The following GREP1 variants were observed in gnomAD, a reference collection of about 807,000 sequenced individuals.
The protein encoded by GREP1 is glycine rich extracellular protein 1.
rs1239777101 is a variant in GREP1 at position 3,000,084 on chromosome 16, A to G, written c.1232-2A>G. The G allele has an allele frequency of 1.0e-5, 4 of 398,750 alleles. No homozygotes were observed. Among genetic ancestry groups the G allele is most frequent in the Non-Finnish European group, 1.8e-5 (4 of 226,064 alleles). 24.7% of individuals were successfully genotyped at this position (398,750 alleles called of 1,614,324 possible). A position where few individuals can be genotyped will look rare whatever the true frequency, so the allele number is the denominator to read the frequency against. On this transcript the variant is annotated splice_acceptor_variant, in intron 28 of 34. Coordinates refer to ENST00000573315, the Ensembl canonical transcript of GREP1. LOFTEE classifies it high-confidence loss of function. ...TCTGAGTCACAGTTTTCTCTCCCCC[A>G]GGTTTTAATGGTGGCCTCGAGCCAC...
intron 5 of GREP1, 113 bp from the exon 6 acceptor site, chr16:2,990,439 C>G: frequency 2.5e-6 from 1 of 399,096 alleles, no homozygotes; most frequent in South Asian, 1.3e-4. Flanking sequence ...TCATCTGATC[C>G]CCCTCTCTTT....
chr16:2,999,836 A>G (rs915001792), intron 27 of GREP1, 66 bp from the exon 25 acceptor site: 1 of 398,870 alleles, frequency 2.5e-6, no homozygotes, highest in Non-Finnish European at 4.4e-6. Flanking sequence ...CCTAAGGTCG[A>G]TCTTTGGCCT....
chr16:2,988,511 G>A, intron 1 of GREP1, 79 bp from the exon 2 acceptor site: 1 of 399,242 alleles, frequency 2.5e-6, no homozygotes. Context: ...TTGGGGGCTG[G>A]AGGATAGATG....
chr16:2,990,948 G>T (rs898720805), intron 7 of GREP1, 100 bp from the exon 7 acceptor site: 1 of 398,790 alleles, frequency 2.5e-6, no homozygotes, highest in African/African-American at 2.1e-5. Context: ...AGGCGAGGCC[G>T]CCCCACACCT....
exon 33 of GREP1, chr16:3,000,741 G>C (rs1596463649): frequency 2.5e-6 from 1 of 398,842 alleles, no homozygotes; most frequent in African/African-American, 2.1e-5. Context: ...TGGAACTCTC[G>C]CTGGCCCACC....
At chr16:2,994,072 A>C (rs981921886) in intron 10 of GREP1, 3 of 152,444 alleles carry the variant, frequency 2.0e-5, no homozygotes, top group African/African-American at 7.2e-5. Context: ...TGGGGCATAC[A>C]GTATGGGCTG....
intron 34 of GREP1, 28 bp from the exon 29 acceptor site, chr16:3,001,533 T>C (rs2072462212): frequency 7.5e-6 from 3 of 398,894 alleles, no homozygotes; most frequent in Non-Finnish European, 1.3e-5. Context: ...GCCCCGCCCC[T>C]CCCTAGCCCA....
intron 33 of GREP1, 95 bp downstream of exon 27, chr16:3,000,922 TA>T (rs959899774): frequency 3.8e-5 from 15 of 394,972 alleles, no homozygotes; most frequent in Non-Finnish European, 6.2e-5. Context: ...CCCACAGAGA[TA>T]GAAGGTACAG....
At chr16:2,999,288 C>T in exon 27 of GREP1, 1 of 398,832 alleles carries the variant, frequency 2.5e-6, no homozygotes, top group Non-Finnish European at 4.4e-6. Context: ...GGGACTGAAA[C>T]CTCAGAAAGC....
intron 18 of GREP1, 45 bp from the exon 18 acceptor site, chr16:2,996,451 C>G (rs1417960782): frequency 2.5e-6 from 1 of 398,932 alleles, no homozygotes; most frequent in African/African-American, 2.1e-5. Flanking sequence ...CCTGACACCC[C>G]CTCCGAATGC....
At chr16:2,994,770 C>T (rs1430316160) in intron 11 of GREP1, 36 bp from the exon 13 acceptor site, 3 of 399,042 alleles carry the variant, frequency 7.5e-6, no homozygotes, top group Non-Finnish European at 1.3e-5. Flanking sequence ...GAGCTGGGGC[C>T]CCAGGTTCCT....
intron 27 of GREP1, among the ~76,000 whole-genome samples, chr16:2,999,564 A>C (rs894497180): frequency 2.0e-5 from 3 of 149,354 alleles, no homozygotes; most frequent in Non-Finnish European, 3.0e-5. Flanking sequence ...GGCTCACTGC[A>C]AAATACGCCT....
chr16:2,997,943 T>C (rs2072435191), intron 23 of GREP1, 108 bp downstream of exon 21: 5 of 396,974 alleles, frequency 1.3e-5, no homozygotes, highest in African/African-American at 1.0e-4. Flanking sequence ...AAGAACGGGC[T>C]GGAGCTGGAG....
chr16:2,996,605 C>T (rs993320140), intron 19 of GREP1, 68 bp from the exon 19 acceptor site: 3 of 399,116 alleles, frequency 7.5e-6, no homozygotes, highest in Non-Finnish European at 1.3e-5. Flanking sequence ...GCCACAGGGA[C>T]AGAGAGCTGG....
chr16:2,997,126 C>T, intron 21 of GREP1, 41 bp downstream of exon 20: 1 of 399,254 alleles, frequency 2.5e-6, no homozygotes, highest in Non-Finnish European at 4.4e-6. Flanking sequence ...CCCCCAAACC[C>T]TGAGCTCCCT....
intron 21 of GREP1, 120 bp downstream of exon 20, chr16:2,997,205 G>C: frequency 2.5e-6 from 1 of 398,854 alleles, no homozygotes; most frequent in Non-Finnish European, 4.4e-6. Context: ...CCAGTGAGGG[G>C]GTGTCGGGCT....
exon 15 of GREP1, chr16:2,995,408 G>A (rs73484370): frequency 0.011 from 4,218 of 398,906 alleles, 166 homozygotes; most frequent in African/African-American, 0.079. Flanking sequence ...CCAGGATTAG[G>A]GAATGGGAAT....
chr16:2,996,686 G>C (rs2072426780), exon 20 of GREP1: 3 of 398,856 alleles, frequency 7.5e-6, no homozygotes, highest in African/African-American at 2.1e-5. Flanking sequence ...TAGGAGCGGG[G>C]ATGAAGCCTC....
At chr16:2,990,223 G>A (rs1030401342) in intron 5 of GREP1, 101 bp downstream of exon 5, 3 of 398,060 alleles carry the variant, frequency 7.5e-6, no homozygotes, top group African/African-American at 2.1e-5. Context: ...AGCCTCTCAG[G>A]TTTGCTGGTG....
Sources: gnomAD v4.1 joint callset for allele counts (sites outside exome capture counted in the v4.1 genomes callset) on GRCh38, gnomAD v4.1.1 for gene constraint, MANE v1.5 for transcripts, NCBI Gene and HGNC (gene_info 2026-07-23, HGNC 2026-07-21) for gene names.